The following TMEM45A variants were observed in gnomAD, a reference collection of about 807,000 sequenced individuals.
TMEM45A encodes transmembrane protein 45A.
Under a neutral mutation model 32.0 loss-of-function variants are expected in TMEM45A, and 25 were observed. The observed-to-expected ratio is 0.78, with a 90% confidence interval of 0.57 to 1.09. The LOEUF is 1.09. Ranked by LOEUF, TMEM45A falls within the 50% of genes least tolerant of loss-of-function variation. TMEM45A has a pLI of 0.00. For missense variants in TMEM45A, 302 were observed against 325.0 expected, an observed-to-expected ratio of 0.93 and a Z score of 0.54; for synonymous variants, 122 against 114.8, an observed-to-expected ratio of 1.06 and a Z score of -0.40.
At chr3:100,528,255 C>A (rs1705584688) in intron 1 of TMEM45A, among the ~76,000 whole-genome samples, 1 of 152,276 alleles carries the variant, frequency 6.6e-6, no homozygotes, top group Middle Eastern at 3.4e-3. Flanking sequence ...TTTCTGGGAA[C>A]CTTTCGCATC....
At position 100,497,713 on chromosome 3, in the gene TMEM45A, C is replaced by T. The variant is rs114806322; in HGVS notation, c.-4+4785C>T. On this transcript the variant is annotated intron_variant, in intron 1 of 5. Transcript: ENST00000323523. ...TAGCAAAATGTCTTCAAGTATCATCCATGTTGTGGTATGTGCCAGAATATC... is the reference window on the plus strand; with the variant it reads ...TAGCAAAATGTCTTCAAGTATCATCTATGTTGTGGTATGTGCCAGAATATC... 3.5e-3 allele frequency among the ~76,000 whole-genome samples: 531 copies of T among 152,142 alleles called. 4 individuals carry two copies. Among genetic ancestry groups the T allele is most frequent in the Non-Finnish European group, 5.2e-3 (351 of 67,992 alleles).
At chr3:100,553,854 C>G (rs749223758) in intron 1 of TMEM45A, among the ~76,000 whole-genome samples, 1 of 152,228 alleles carries the variant, frequency 6.6e-6, no homozygotes, top group Middle Eastern at 3.4e-3. Context: ...GAAATGACTG[C>G]CTGGGGTCAC....
intron 5 of TMEM45A, among the ~76,000 whole-genome samples, chr3:100,569,865 G>C (rs1247794356): frequency 6.6e-6 from 1 of 152,150 alleles, no homozygotes; most frequent in African/African-American, 2.4e-5. Flanking sequence ...AATAGTAGAA[G>C]AACAAAGCAC....
At chr3:100,555,990 CCTTTTTT>C (rs1706214336) in intron 2 of TMEM45A, among the ~76,000 whole-genome samples, 1 of 151,748 alleles carries the variant, frequency 6.6e-6, no homozygotes, top group Non-Finnish European at 1.5e-5. Context: ...TTTCTTTTTT[CCTTTTTT>C]CTTTTGAGAT....
At chr3:100,526,012 G>C (rs1315830903) in intron 1 of TMEM45A, among the ~76,000 whole-genome samples, 2 of 152,066 alleles carry the variant, frequency 1.3e-5, no homozygotes, top group African/African-American at 2.4e-5. Context: ...GTTCTCTCCC[G>C]CGGCTCTGAC....
chr3:100,519,698 CTG>C, intron 1 of TMEM45A: 1 of 1,303,142 alleles, frequency 7.7e-7, no homozygotes, highest in Non-Finnish European at 1.1e-6. Context: ...TTGAACCTGA[CTG>C]TACCGTGTAT....
At chr3:100,543,126 C>G (rs906771418) in intron 1 of TMEM45A, among the ~76,000 whole-genome samples, 1 of 152,158 alleles carries the variant, frequency 6.6e-6, no homozygotes, top group Non-Finnish European at 1.5e-5. Flanking sequence ...CTCACTGAAC[C>G]TAATGGTTTC....
In TMEM45A at chr3:100,548,755, C is replaced by T. The variant is rs566689163; in HGVS notation, c.-3-6454C>T. ...GTTGTGAGCAGGGGCTGTGTCTATT[C>T]TGCAGTGGGTGCCTCAAGCGCCTGA... On this transcript the variant is annotated intron_variant, in intron 1 of 5. Transcript: ENST00000323523. Among the ~76,000 whole-genome samples, 92 of 152,324 alleles carry T rather than the reference C, an allele frequency of 6.0e-4. 1 individual carries two copies. Among genetic ancestry groups the T allele is most frequent in the African/African-American group, 2.0e-3 (82 of 41,576 alleles).
In TMEM45A at chr3:100,529,743, C is replaced by T. The variant is rs532208987; in HGVS notation, c.-3-25466C>T. The stretch of plus-strand genomic sequence containing the variant: ...TCAAGAGATTCTCCCACCTCAGCCT[C>T]CTGAGTAGTTGGGACTACAGGCACG... On this transcript the variant is annotated intron_variant, in intron 1 of 5. Transcript: ENST00000323523. 3.3e-5 allele frequency among the ~76,000 whole-genome samples: 5 copies of T among 152,250 alleles called. No homozygotes were observed. In the East Asian group the frequency reaches 9.7e-4, roughly 29 times the overall value.
intron 1 of TMEM45A, among the ~76,000 whole-genome samples, chr3:100,500,600 C>T (rs1239543981): frequency 6.6e-6 from 1 of 152,180 alleles, no homozygotes; most frequent in Non-Finnish European, 1.5e-5. Context: ...TCGTCTGTCT[C>T]AGAGAAAGCT....
At chr3:100,514,824 A>C (rs1036458041) in intron 1 of TMEM45A, among the ~76,000 whole-genome samples, 1 of 150,518 alleles carries the variant, frequency 6.6e-6, no homozygotes, top group African/African-American at 2.4e-5. Flanking sequence ...AAGGACATGA[A>C]CAGACACTTC....
At chr3:100,494,934 C>T (rs4928097) in intron 1 of TMEM45A, among the ~76,000 whole-genome samples, 33,615 of 152,058 alleles carry the variant, frequency 0.22, 4,075 homozygotes, top group East Asian at 0.36. Context: ...ATGGCACCTA[C>T]ATCATGGGGT....
At chr3:100,565,233 G>A (rs1706407357) in intron 4 of TMEM45A, among the ~76,000 whole-genome samples, 1 of 152,158 alleles carries the variant, frequency 6.6e-6, no homozygotes, top group Non-Finnish European at 1.5e-5. Context: ...TGATGTTTAT[G>A]TACATGAGTG....
chr3:100,501,318 C>T (rs1210825982), intron 1 of TMEM45A, among the ~76,000 whole-genome samples: 1 of 152,124 alleles, frequency 6.6e-6, no homozygotes, highest in African/African-American at 2.4e-5. Flanking sequence ...CTTGTCCTGC[C>T]CCTGGAGATT....
At chr3:100,503,997 G>A (rs1039689857) in intron 1 of TMEM45A, among the ~76,000 whole-genome samples, 1 of 152,290 alleles carries the variant, frequency 6.6e-6, no homozygotes, top group Admixed American at 6.5e-5. Flanking sequence ...AAGTGCTCAG[G>A]TTTAATGCAG....
At chr3:100,561,249 C>T (rs755347800) in intron 4 of TMEM45A, among the ~76,000 whole-genome samples, 3 of 152,166 alleles carry the variant, frequency 2.0e-5, no homozygotes, top group Non-Finnish European at 2.9e-5. Flanking sequence ...TACAGCAAAA[C>T]GCTGTCTTAA....
chr3:100,566,136 A>G (rs1405081555), intron 4 of TMEM45A, among the ~76,000 whole-genome samples: 1 of 151,568 alleles, frequency 6.6e-6, no homozygotes, highest in African/African-American at 2.4e-5. Context: ...AGTCCCTTGT[A>G]TGAGTATACT....
At chr3:100,508,244 G>C (rs1708104337) in intron 1 of TMEM45A, among the ~76,000 whole-genome samples, 1 of 152,062 alleles carries the variant, frequency 6.6e-6, no homozygotes, top group African/African-American at 2.4e-5. Context: ...TTGTCTCAGA[G>C]AGGGATTTCA....
At chr3:100,511,155 C>A (rs1332996499) in intron 1 of TMEM45A, among the ~76,000 whole-genome samples, 1 of 151,612 alleles carries the variant, frequency 6.6e-6, no homozygotes, top group African/African-American at 2.4e-5. Context: ...AAGAGCAACT[C>A]CAAGACACAT....
Sources: gnomAD v4.1 joint callset for allele counts (sites outside exome capture counted in the v4.1 genomes callset) on GRCh38, gnomAD v4.1.1 for gene constraint, MANE v1.5 for transcripts, NCBI Gene and HGNC (gene_info 2026-07-23, HGNC 2026-07-21) for gene names.